Variants in LIPI observed in about 807,000 individuals in gnomAD.
LIPI encodes lipase member I.
A neutral mutation model predicts 50.6 loss-of-function variants in LIPI; 59 were observed. That is an observed-to-expected ratio of 1.16 (90% confidence interval 0.94 to 1.45). LIPI has a LOEUF of 1.45. Ranked by LOEUF, LIPI falls within the 40% of genes most tolerant of loss-of-function variation. The pLI is 0.00. For synonymous variants in LIPI, 203 were observed against 178.2 expected, an observed-to-expected ratio of 1.14 and a Z score of -1.11; for missense variants, 586 against 536.3, an observed-to-expected ratio of 1.09 and a Z score of -0.92.
rs188099268 is a variant in LIPI at position 14,137,519 on chromosome 21, A to T, written c.1295+7104T>A. On this transcript the variant is annotated intron_variant, in intron 9 of 9. Transcript: ENST00000681601. The stretch of plus-strand genomic sequence containing the variant: ...AAGAAGAATTAGTGAACTTAAAGAC[A>T]GGCTATTTGAAAATACAGTCAGAAG... 2.0e-3 allele frequency among the ~76,000 whole-genome samples: 310 copies of T among 152,326 alleles called. 1 individual carries two copies. Among genetic ancestry groups the T allele is most frequent in the Non-Finnish European group, 3.1e-3 (213 of 68,026 alleles).
At chr21:14,109,361 A>G (rs2016314300) in intron 9 of LIPI, among the ~76,000 whole-genome samples, 1 of 152,118 alleles carries the variant, frequency 6.6e-6, no homozygotes, top group Non-Finnish European at 1.5e-5. Flanking sequence ...ATACAGTTAG[A>G]TACTGATACA....
At chr21:14,139,901 A>G (rs548483383) in intron 9 of LIPI, among the ~76,000 whole-genome samples, 7 of 152,136 alleles carry the variant, frequency 4.6e-5, no homozygotes, top group African/African-American at 1.7e-4. Context: ...GGCTGTCAGG[A>G]TATAGCTAAG....
chr21:14,152,711 C>A, intron 7 of LIPI, 27 bp from the exon 8 acceptor site: 1 of 1,155,304 alleles, frequency 8.7e-7, no homozygotes, highest in Non-Finnish European at 1.3e-6. Context: ...TAGAATACAA[C>A]TCACATTATT....
intron 9 of LIPI, among the ~76,000 whole-genome samples, chr21:14,120,341 A>G (rs373325183): frequency 1.3e-5 from 2 of 152,322 alleles, no homozygotes; most frequent in South Asian, 4.1e-4. Flanking sequence ...CACTACTTCT[A>G]GCAAAGAGAA....
intron 7 of LIPI, among the ~76,000 whole-genome samples, chr21:14,158,601 A>G (rs948153946): frequency 6.9e-6 from 1 of 145,514 alleles, no homozygotes; most frequent in Non-Finnish European, 1.5e-5. Flanking sequence ...TTATATATAT[A>G]TTAAAATATA....
rs554451250 is a variant in LIPI at position 14,108,890 on chromosome 21, C to G, written c.*103G>C. On this transcript the variant is annotated 3_prime_UTR_variant, in exon 10 of 10. Transcript: ENST00000681601. ...AAATTTTTTCCAAGAAATAGAAATA[C>G]TTGAATCTCAAATTGAACAGTGCAT... The G allele has an allele frequency of 2.1e-6, 3 of 1,401,540 alleles. No homozygotes were observed. The highest frequency in any genetic ancestry group is 2.9e-5 in the African/African-American group (2 of 70,102). 86.8% of individuals were successfully genotyped at this position (1,401,540 alleles called of 1,614,324 possible).
At chr21:14,149,575 C>T (rs2212713) in intron 8 of LIPI, among the ~76,000 whole-genome samples, 6,143 of 152,240 alleles carry the variant, frequency 0.04, 143 homozygotes, top group African/African-American at 0.063. Context: ...AGGTTAGTCC[C>T]TTCCACCTAT....
intron 1 of LIPI, among the ~76,000 whole-genome samples, chr21:14,192,522 A>T (rs1337881156): frequency 6.6e-6 from 1 of 152,124 alleles, no homozygotes; most frequent in East Asian, 1.9e-4. Flanking sequence ...ACACACAAAA[A>T]AGTTAAACTA....
In LIPI at chr21:14,150,800, TTG is replaced by T. The variant is rs1600865443; in HGVS notation, c.1118+1771_1118+1772del. On this transcript the variant is annotated intron_variant, in intron 8 of 9. Transcript: ENST00000681601. ...AGTTTCTCTCAATAAAAGATGGGTC[TTG>T]ACGAAAGTCAAGAATTTGGATTGGA... Among the ~76,000 whole-genome samples, 3 of 152,344 alleles carry T rather than the reference TTG, an allele frequency of 2.0e-5. No individual in the cohort carries two copies. The East Asian group carries it at 5.8e-4, about 29-fold the overall frequency.
At chr21:14,167,079 G>A (rs1460652449) in intron 4 of LIPI, among the ~76,000 whole-genome samples, 2 of 152,234 alleles carry the variant, frequency 1.3e-5, no homozygotes. Flanking sequence ...ATGGCTCGGA[G>A]GGTCCTACGC....
At chr21:14,150,120 C>G (rs1180112729) in intron 8 of LIPI, among the ~76,000 whole-genome samples, 1 of 152,216 alleles carries the variant, frequency 6.6e-6, no homozygotes, top group Non-Finnish European at 1.5e-5. Context: ...GGCATTTCCA[C>G]ACACCCTCTG....
chr21:14,128,147 T>C (rs1030113573), intron 9 of LIPI, among the ~76,000 whole-genome samples: 4 of 152,020 alleles, frequency 2.6e-5, no homozygotes, highest in Non-Finnish European at 5.9e-5. Context: ...CACTGTGTCA[T>C]ATAATGTAAA....
intron 4 of LIPI, among the ~76,000 whole-genome samples, chr21:14,176,116 T>G (rs2019086500): frequency 6.7e-6 from 1 of 149,968 alleles, no homozygotes; most frequent in Admixed American, 6.7e-5. Context: ...AGTTGGAGCT[T>G]GCAGTGAGCT....
chr21:14,122,530 C>T (rs186469186), intron 9 of LIPI, among the ~76,000 whole-genome samples: 1 of 152,272 alleles, frequency 6.6e-6, no homozygotes, highest in Non-Finnish European at 1.5e-5. Flanking sequence ...CAACCTAATC[C>T]AGGAGAAGTC....
intron 6 of LIPI, among the ~76,000 whole-genome samples, chr21:14,164,934 G>T (rs145006147): frequency 3.3e-5 from 5 of 152,236 alleles, no homozygotes; most frequent in Admixed American, 1.3e-4. Flanking sequence ...ATGATAGTTA[G>T]ATATTTTTGT....
At chr21:14,145,161 C>T (rs992938404) in intron 8 of LIPI, among the ~76,000 whole-genome samples, 4 of 124,454 alleles carry the variant, frequency 3.2e-5, no homozygotes, top group Non-Finnish European at 6.8e-5. Flanking sequence ...GCTTAACGGA[C>T]AACTTAAAAA....
intron 1 of LIPI, among the ~76,000 whole-genome samples, chr21:14,208,607 A>T (rs2020284861): frequency 7.0e-6 from 1 of 142,848 alleles, no homozygotes. Flanking sequence ...AGTGTCCATA[A>T]ATAAAGTTGT....
At chr21:14,203,597 C>T (rs1411235495) in intron 1 of LIPI, among the ~76,000 whole-genome samples, 2 of 152,052 alleles carry the variant, frequency 1.3e-5, no homozygotes, top group African/African-American at 2.4e-5. Flanking sequence ...AAAAACCAAA[C>T]ACCGCATGTT....
chr21:14,152,758 A>G (rs1161976678), intron 7 of LIPI, 74 bp from the exon 8 acceptor site: 2 of 708,176 alleles, frequency 2.8e-6, no homozygotes, highest in African/African-American at 3.6e-5. Context: ...TCAGATATAT[A>G]TATATGTGTA....
Sources: allele counts gnomAD v4.1 joint callset (sites outside exome capture counted in the v4.1 genomes callset), GRCh38; gene constraint gnomAD v4.1.1; transcripts MANE v1.5; gene names NCBI Gene and HGNC (gene_info 2026-07-23, HGNC 2026-07-21).